The following IGF2BP2 variants were observed in gnomAD, a reference collection of about 807,000 sequenced individuals.
IGF2BP2 encodes insulin-like growth factor 2 mRNA-binding protein 2.
Under a neutral mutation model 75.8 loss-of-function variants are expected in IGF2BP2, and 17 were observed. That is an observed-to-expected ratio of 0.22 (90% confidence interval 0.15 to 0.34). IGF2BP2 has a LOEUF of 0.34. Among genes scored for constraint, IGF2BP2 ranks in the 10% least tolerant of loss-of-function variants. The pLI, the probability that IGF2BP2 is intolerant of heterozygous loss-of-function variation, is 1.00. For missense variants in IGF2BP2, 516 were observed against 772.4 expected (o/e 0.67, Z 3.93); for synonymous variants, 288 against 295.6 (o/e 0.97, Z 0.26).
chr3:185,658,862 G>C (rs919723287), intron 10 of IGF2BP2, among the ~76,000 whole-genome samples: 27 of 152,158 alleles, frequency 1.8e-4, no homozygotes, highest in African/African-American at 6.5e-4. Flanking sequence ...GAGTTATTCA[G>C]AACAAGCAAA....
chr3:185,713,322 T>C (rs2149427065), intron 2 of IGF2BP2: 3 of 467,008 alleles, frequency 6.4e-6, no homozygotes, highest in South Asian at 4.7e-5. Flanking sequence ...AACAGCTCTG[T>C]AAAGCCCATT....
At chr3:185,744,240 A>G (rs192540172) in intron 2 of IGF2BP2, among the ~76,000 whole-genome samples, 1,551 of 152,300 alleles carry the variant, frequency 0.01, 12 homozygotes, top group Non-Finnish European at 0.014. Flanking sequence ...TTTCAATAAA[A>G]TTTTTATTGT....
At chr3:185,790,934 A>G (rs1736564017) in intron 2 of IGF2BP2, among the ~76,000 whole-genome samples, 1 of 152,252 alleles carries the variant, frequency 6.6e-6, no homozygotes, top group East Asian at 1.9e-4. Flanking sequence ...GTTTATTGTT[A>G]AGGACAATTC....
At chr3:185,694,877 G>A (rs929644034) in intron 4 of IGF2BP2, among the ~76,000 whole-genome samples, 11 of 152,260 alleles carry the variant, frequency 7.2e-5, no homozygotes, top group South Asian at 2.1e-4. Flanking sequence ...ACTTGAGGCC[G>A]GGAGTTTGAT....
intron 2 of IGF2BP2, among the ~76,000 whole-genome samples, chr3:185,782,377 G>A (rs572382902): frequency 1.3e-5 from 2 of 152,112 alleles, no homozygotes; most frequent in South Asian, 4.1e-4. Flanking sequence ...CTTTTCCTCT[G>A]TATCACATTG....
At chr3:185,777,164 A>C (rs1050561251) in intron 2 of IGF2BP2, among the ~76,000 whole-genome samples, 8 of 152,210 alleles carry the variant, frequency 5.3e-5, no homozygotes, top group African/African-American at 1.9e-4. Context: ...AGCTTCTTGG[A>C]AACTGCAACT....
At chr3:185,742,863 G>A (rs915980163) in intron 2 of IGF2BP2, among the ~76,000 whole-genome samples, 2 of 152,094 alleles carry the variant, frequency 1.3e-5, no homozygotes, top group African/African-American at 4.8e-5. Context: ...CACTTTGGGC[G>A]GCTGAGGCGG....
chr3:185,752,440 T>C (rs1017051675), intron 2 of IGF2BP2, among the ~76,000 whole-genome samples: 14 of 152,236 alleles, frequency 9.2e-5, no homozygotes, highest in Admixed American at 5.2e-4. Context: ...AGGTGGTCCA[T>C]AAAGCCATTC....
chr3:185,778,737 T>C (rs146114616), intron 2 of IGF2BP2, among the ~76,000 whole-genome samples: 1 of 152,320 alleles, frequency 6.6e-6, no homozygotes, highest in East Asian at 1.9e-4. Flanking sequence ...TTCTCAACTA[T>C]AAAATAACTA....
intron 2 of IGF2BP2, among the ~76,000 whole-genome samples, chr3:185,781,328 T>C (rs181984328): frequency 4.5e-4 from 69 of 152,302 alleles, no homozygotes; most frequent in Middle Eastern, 6.8e-3. Flanking sequence ...ATAGTGAGAA[T>C]GTCAACAGTG....
intron 2 of IGF2BP2, among the ~76,000 whole-genome samples, chr3:185,721,220 T>G (rs1195699384): frequency 6.6e-6 from 1 of 152,168 alleles, no homozygotes. Flanking sequence ...TTATTATTTG[T>G]TTTTTGTGAG....
At chr3:185,727,993 G>T (rs1329360221) in intron 2 of IGF2BP2, among the ~76,000 whole-genome samples, 1 of 152,118 alleles carries the variant, frequency 6.6e-6, no homozygotes, top group African/African-American at 2.4e-5. Flanking sequence ...CATTAATCAG[G>T]TCTGAACTAA....
At chr3:185,650,276 CT>C (rs879270422) in intron 13 of IGF2BP2, among the ~76,000 whole-genome samples, 413 of 138,144 alleles carry the variant, frequency 3.0e-3, no homozygotes, top group Admixed American at 2.6e-3. Context: ...ACCTATCTTT[CT>C]TTTTTTTTTT....
chr3:185,766,015 C>T (rs1732993402), intron 2 of IGF2BP2, among the ~76,000 whole-genome samples: 1 of 152,076 alleles, frequency 6.6e-6, no homozygotes, highest in African/African-American at 2.4e-5. Flanking sequence ...TCTGACTGCC[C>T]CATCCCTTTT....
chr3:185,782,534 G>A (rs543457477), intron 2 of IGF2BP2, among the ~76,000 whole-genome samples: 1 of 152,214 alleles, frequency 6.6e-6, no homozygotes, highest in East Asian at 1.9e-4. Context: ...TACATAGAAA[G>A]TTATATTACC....
chr3:185,659,369 T>C (rs1027657853), intron 10 of IGF2BP2, among the ~76,000 whole-genome samples: 3 of 152,158 alleles, frequency 2.0e-5, no homozygotes, highest in African/African-American at 7.2e-5. Context: ...AAGTAGCTGC[T>C]TTTATTTTAT....
intron 2 of IGF2BP2, chr3:185,717,366 C>T (rs1725805934): frequency 6.4e-6 from 1 of 155,068 alleles, no homozygotes; most frequent in Non-Finnish European, 1.4e-5. Flanking sequence ...GACTTCCCTC[C>T]AGGACAGAAC....
intron 2 of IGF2BP2, among the ~76,000 whole-genome samples, chr3:185,795,653 T>C (rs1247818012): frequency 6.6e-6 from 1 of 152,152 alleles, no homozygotes; most frequent in Non-Finnish European, 1.5e-5. Context: ...GGCCAAAGCA[T>C]GTGGATCACC....
At chr3:185,724,101 G>A (rs1726971877) in intron 2 of IGF2BP2, among the ~76,000 whole-genome samples, 1 of 152,192 alleles carries the variant, frequency 6.6e-6, no homozygotes, top group Non-Finnish European at 1.5e-5. Context: ...GTGGCACCAG[G>A]ACCCAGGCAG....
Sources: allele counts gnomAD v4.1 joint callset (sites outside exome capture counted in the v4.1 genomes callset), GRCh38; gene constraint gnomAD v4.1.1; transcripts MANE v1.5; gene names NCBI Gene and HGNC (gene_info 2026-07-23, HGNC 2026-07-21).